The following FRMD4B variants were observed in gnomAD, a reference collection of about 807,000 sequenced individuals.
The protein encoded by FRMD4B is FERM domain-containing protein 4B.
FRMD4B carries 74 observed loss-of-function variants against 141.5 expected under a neutral mutation model. The observed-to-expected ratio is 0.52, with a 90% confidence interval of 0.43 to 0.63. FRMD4B has a LOEUF of 0.63. Ranked by LOEUF, FRMD4B falls within the 30% of genes least tolerant of loss-of-function variation. The pLI, the probability that FRMD4B is intolerant of heterozygous loss-of-function variation, is 0.00. For missense variants in FRMD4B, 1,366 were observed against 1,253.4 expected, an observed-to-expected ratio of 1.09 and a Z score of -1.36; for synonymous variants, 506 against 467.9, an observed-to-expected ratio of 1.08 and a Z score of -1.05.
chr3:69,301,306 T>C (rs1462693773), intron 4 of FRMD4B, among the ~76,000 whole-genome samples: 2 of 152,098 alleles, frequency 1.3e-5, no homozygotes, highest in African/African-American at 2.4e-5. Context: ...TAGAGAAATA[T>C]AGGTATTACT....
intron 9 of FRMD4B, among the ~76,000 whole-genome samples, chr3:69,219,521 C>T (rs2093173380): frequency 6.6e-6 from 1 of 152,098 alleles, no homozygotes; most frequent in African/African-American, 2.4e-5. Context: ...ATCCTAGAGC[C>T]TTAACTACCA....
At chr3:69,388,022 T>G (rs568526040), upstream of FRMD4B, among the ~76,000 whole-genome samples, 1 of 152,234 alleles carries the variant, frequency 6.6e-6, no homozygotes, top group African/African-American at 2.4e-5. Flanking sequence ...ACTGTCATCA[T>G]GCTGAATGGA....
At chr3:69,184,538 T>G (rs1480933422) in intron 19 of FRMD4B, among the ~76,000 whole-genome samples, 1 of 152,244 alleles carries the variant, frequency 6.6e-6, no homozygotes, top group East Asian at 1.9e-4. Flanking sequence ...AGCAATGCTG[T>G]AATGAGCATC....
chr3:69,471,178 A>T (rs1269523143), intron 1 of FRMD4B, among the ~76,000 whole-genome samples: 2 of 152,148 alleles, frequency 1.3e-5, no homozygotes, highest in Admixed American at 1.3e-4. Flanking sequence ...TTTTTTTCAA[A>T]GTTTAATTCC....
intron 2 of FRMD4B, among the ~76,000 whole-genome samples, chr3:69,393,046 C>A: frequency 6.6e-6 from 1 of 152,236 alleles, no homozygotes; most frequent in Middle Eastern, 3.4e-3. Context: ...CCAAGGCTGA[C>A]CAGCAGGCTG....
intron 1 of FRMD4B, among the ~76,000 whole-genome samples, chr3:69,332,899 G>A (rs988842454): frequency 5.3e-5 from 8 of 151,648 alleles, no homozygotes; most frequent in Admixed American, 1.3e-4. Context: ...TTTTTCTATC[G>A]CTTCAAACCA....
intron 2 of FRMD4B, among the ~76,000 whole-genome samples, chr3:69,402,620 A>G (rs1704584137): frequency 6.6e-6 from 1 of 152,192 alleles, no homozygotes; most frequent in South Asian, 2.1e-4. Context: ...TGCGTAATTC[A>G]TATATGTAGG....
intron 2 of FRMD4B, among the ~76,000 whole-genome samples, chr3:69,423,024 G>A (rs971550716): frequency 1.3e-5 from 2 of 152,166 alleles, no homozygotes; most frequent in Non-Finnish European, 2.9e-5. Flanking sequence ...AGGAATGAAG[G>A]GAAGGACCAT....
intron 2 of FRMD4B, among the ~76,000 whole-genome samples, chr3:69,414,660 C>T (rs1290521079): frequency 6.6e-6 from 1 of 152,032 alleles, no homozygotes; most frequent in East Asian, 1.9e-4. Flanking sequence ...AAGCACATTT[C>T]GAGGGGCTGC....
intron 1 of FRMD4B, chr3:69,536,549 G>GA: frequency 1.4e-6 from 1 of 704,148 alleles, no homozygotes; most frequent in Non-Finnish European, 2.6e-6. Flanking sequence ...GGGAATAGGG[G>GA]GGATGGTGAG....
At chr3:69,359,711 T>C (rs1260433563) in intron 1 of FRMD4B, among the ~76,000 whole-genome samples, 2 of 152,214 alleles carry the variant, frequency 1.3e-5, no homozygotes, top group African/African-American at 4.8e-5. Flanking sequence ...TGATAGGGGT[T>C]TCCTTTCTGT....
In FRMD4B at chr3:69,194,904, T is replaced by C. The variant is rs1480519571; in HGVS notation, c.1488+118A>G. On this transcript the variant is annotated intron_variant, in intron 16 of 22. Coordinates refer to ENST00000398540, the MANE Select transcript of FRMD4B (RefSeq NM_015123.3). ...AGTTCAATTTGGTCTACACGATCCA[T>C]CTGTACTGGTGAGATAACATACAGC... The C allele has an allele frequency of 2.2e-5, 19 of 869,870 alleles. No individual in the cohort carries two copies. The Admixed American group carries it at 4.6e-4, about 21-fold the overall frequency. 53.9% of individuals were successfully genotyped at this position (869,870 alleles called of 1,614,324 possible). A position where few individuals can be genotyped will look rare whatever the true frequency, so the allele number is the denominator to read the frequency against.
intron 5 of FRMD4B, among the ~76,000 whole-genome samples, chr3:69,253,473 A>C (rs1379342267): frequency 6.6e-6 from 1 of 152,100 alleles, no homozygotes; most frequent in Non-Finnish European, 1.5e-5. Context: ...ACACTCTCAA[A>C]GTAGAGTGGG....
intron 2 of FRMD4B, among the ~76,000 whole-genome samples, chr3:69,424,189 T>C (rs1347243740): frequency 6.6e-6 from 1 of 152,312 alleles, no homozygotes; most frequent in Admixed American, 6.5e-5. Context: ...ACGAGGTTTA[T>C]AGCAGCATAA....
At chr3:69,245,817 A>C (rs901169153) in intron 7 of FRMD4B, among the ~76,000 whole-genome samples, 2 of 145,514 alleles carry the variant, frequency 1.4e-5, no homozygotes, top group Admixed American at 6.9e-5. Context: ...GCGTCTGCGA[A>C]CGTGCCAGGC....
chr3:69,416,057 A>C (rs879595922), intron 2 of FRMD4B, among the ~76,000 whole-genome samples: 10 of 152,254 alleles, frequency 6.6e-5, no homozygotes, highest in Non-Finnish European at 1.5e-5. Flanking sequence ...TAGGGGAACC[A>C]CTTTTTGCTT....
At chr3:69,498,927 T>G (rs1319662967) in intron 1 of FRMD4B, among the ~76,000 whole-genome samples, 3 of 152,204 alleles carry the variant, frequency 2.0e-5, no homozygotes, top group Non-Finnish European at 4.4e-5. Flanking sequence ...TTATGTTCTA[T>G]TTGGGAAGAT....
chr3:69,536,162 G>A, intron 1 of FRMD4B: 1 of 530,438 alleles, frequency 1.9e-6, no homozygotes, highest in African/African-American at 1.9e-5. Context: ...CACCTCTGCT[G>A]GCCTCTTCGC....
At chr3:69,478,170 G>T (rs1261916548) in intron 1 of FRMD4B, among the ~76,000 whole-genome samples, 1 of 152,020 alleles carries the variant, frequency 6.6e-6, no homozygotes, top group Non-Finnish European at 1.5e-5. Context: ...TGGATTTATT[G>T]ATTTTTTGAA....
Sources: allele counts gnomAD v4.1 joint callset (sites outside exome capture counted in the v4.1 genomes callset), GRCh38; gene constraint gnomAD v4.1.1; transcripts MANE v1.5; gene names NCBI Gene and HGNC (gene_info 2026-07-23, HGNC 2026-07-21).